Variants in SUPT3H observed in about 807,000 individuals in gnomAD.
SUPT3H encodes the protein transcription initiation protein SPT3 homolog.
A neutral mutation model predicts 44.3 loss-of-function variants in SUPT3H; 44 were observed. That is an observed-to-expected ratio of 0.99 (90% CI 0.78 to 1.28). The LOEUF is 1.28. SUPT3H is among the 50% of genes most tolerant of loss of function. The pLI is 0.00. For synonymous variants in SUPT3H, 124 were observed against 125.6 expected, an observed-to-expected ratio of 0.99 and a Z score of 0.09; for missense variants, 380 against 387.1, an observed-to-expected ratio of 0.98 and a Z score of 0.15.
intron 2 of SUPT3H, among the ~76,000 whole-genome samples, chr6:45,302,254 C>T (rs1348685313): frequency 4.6e-5 from 7 of 151,902 alleles, no homozygotes; most frequent in Non-Finnish European, 7.4e-5. Flanking sequence ...TCCCTCACCC[C>T]CTTCCCACCC....
At chr6:45,045,455 ATTG>A (rs1789237336) in intron 3 of SUPT3H, among the ~76,000 whole-genome samples, 1 of 152,076 alleles carries the variant, frequency 6.6e-6, no homozygotes, top group East Asian at 1.9e-4. Context: ...CTGCTTATCT[ATTG>A]TTGGTGTATA....
intron 3 of SUPT3H, 44 bp from the exon 4 acceptor site, chr6:45,020,676 TTA>T (rs1033941565): frequency 2.2e-6 from 3 of 1,386,562 alleles, no homozygotes; most frequent in African/African-American, 2.9e-5. Context: ...GTAACACAAA[TTA>T]TATATAGTAC....
At chr6:45,104,018 C>G (rs1168105926) in intron 3 of SUPT3H, among the ~76,000 whole-genome samples, 1 of 151,998 alleles carries the variant, frequency 6.6e-6, no homozygotes, top group Non-Finnish European at 1.5e-5. Context: ...AAGATATGTT[C>G]AGATGAAAGA....
intron 10 of SUPT3H, among the ~76,000 whole-genome samples, chr6:44,855,783 C>A (rs2153423331): frequency 6.6e-6 from 1 of 151,974 alleles, no homozygotes; most frequent in South Asian, 2.1e-4. Context: ...ACTTCAGAGG[C>A]AGTCAAGCAT....
rs769390539 is a variant in SUPT3H at position 45,188,858 on chromosome 6, C to A, written c.102-82852G>T. ...TTTTATAGGTAGTTTGAGTTCACGT[C>A]ATTGCAGACTTTTTGTTCTTTAAAA... On this transcript the variant is annotated intron_variant, in intron 2 of 10. Transcript: ENST00000371459. 3.3e-5 allele frequency among the ~76,000 whole-genome samples: 5 copies of A among 152,234 alleles called. 1 individual carries two copies. Among genetic ancestry groups the A allele is most frequent in the Non-Finnish European group, 7.4e-5 (5 of 68,022 alleles).
chr6:44,916,972 AAAAC>A (rs111992171), intron 10 of SUPT3H, among the ~76,000 whole-genome samples: 4,487 of 150,912 alleles, frequency 0.03, 226 homozygotes, highest in African/African-American at 0.1. Context: ...GTCTCTACAA[AAAAC>A]AAACAAACAA....
At chr6:44,952,695 T>G (rs1175924461) in intron 9 of SUPT3H, among the ~76,000 whole-genome samples, 5 of 152,236 alleles carry the variant, frequency 3.3e-5, no homozygotes. Flanking sequence ...TTGAGGTAGA[T>G]GCTGTTTACA....
chr6:45,276,287 C>T (rs1237492649), intron 2 of SUPT3H, among the ~76,000 whole-genome samples: 1 of 152,020 alleles, frequency 6.6e-6, no homozygotes, highest in East Asian at 1.9e-4. Flanking sequence ...TACCATTTAA[C>T]ATTTCAAAAT....
intron 2 of SUPT3H, chr6:45,159,493 A>C (rs1296688770): frequency 6.6e-6 from 1 of 152,192 alleles, no homozygotes; most frequent in African/African-American, 2.4e-5. Context: ...TAGAGCCATC[A>C]ATAGCCTCAC....
intron 6 of SUPT3H, among the ~76,000 whole-genome samples, chr6:44,995,190 T>C (rs930992012): frequency 6.6e-6 from 1 of 152,020 alleles, no homozygotes; most frequent in Non-Finnish European, 1.5e-5. Context: ...ACACCAATAT[T>C]AATATCTATT....
chr6:45,192,406 A>C (rs1050454849), intron 2 of SUPT3H, among the ~76,000 whole-genome samples: 5 of 152,146 alleles, frequency 3.3e-5, no homozygotes, highest in Non-Finnish European at 5.9e-5. Context: ...TGAAATGAGA[A>C]TGGTTAACTT....
chr6:45,203,186 A>G (rs1487804950), intron 2 of SUPT3H, among the ~76,000 whole-genome samples: 2 of 152,192 alleles, frequency 1.3e-5, no homozygotes, highest in African/African-American at 4.8e-5. Context: ...GAACACAGGC[A>G]CTGAGGAGAC....
intron 2 of SUPT3H, among the ~76,000 whole-genome samples, chr6:45,236,122 T>C (rs555417742): frequency 9.8e-6 from 1 of 102,338 alleles, no homozygotes; most frequent in African/African-American, 4.2e-5. Flanking sequence ...GGGCTCTCAG[T>C]TCTGAAGGCT....
At chr6:45,097,518 A>T (rs1797956869) in intron 3 of SUPT3H, 1 of 152,258 alleles carries the variant, frequency 6.6e-6, no homozygotes, top group African/African-American at 2.4e-5. Flanking sequence ...AGGCTGTGAG[A>T]GGCTTCCAGC....
At chr6:44,961,699 C>G in intron 7 of SUPT3H, 54 bp downstream of exon 7, 1 of 1,367,358 alleles carries the variant, frequency 7.3e-7, no homozygotes, top group Non-Finnish European at 1.0e-6. Flanking sequence ...TTTAGTACAT[C>G]TATAACACAA....
At chr6:44,930,502 T>C (rs1770402761) in intron 10 of SUPT3H, among the ~76,000 whole-genome samples, 1 of 146,908 alleles carries the variant, frequency 6.8e-6, no homozygotes, top group Non-Finnish European at 1.5e-5. Context: ...AGGTAGAAGT[T>C]GCAGTGAGCT....
intron 2 of SUPT3H, among the ~76,000 whole-genome samples, chr6:45,202,126 C>G (rs917385205): frequency 2.6e-5 from 4 of 151,876 alleles, no homozygotes; most frequent in Admixed American, 6.6e-5. Context: ...CTTTGAATAT[C>G]TTCCAAAATA....
intron 3 of SUPT3H, among the ~76,000 whole-genome samples, chr6:45,031,793 A>G (rs1362296243): frequency 1.3e-5 from 2 of 152,204 alleles, no homozygotes; most frequent in Non-Finnish European, 2.9e-5. Flanking sequence ...ATGGGAGTCA[A>G]TGCTCTAAGG....
chr6:45,327,732 C>CT (rs11438577), intron 2 of SUPT3H, among the ~76,000 whole-genome samples: 13,418 of 148,360 alleles, frequency 0.09, 1,289 homozygotes, highest in African/African-American at 0.24. Flanking sequence ...TTAAGGTAAA[C>CT]TTTTTTTTTT....
Sources: allele counts gnomAD v4.1 joint callset (sites outside exome capture counted in the v4.1 genomes callset), GRCh38; gene constraint gnomAD v4.1.1; transcripts MANE v1.5; gene names NCBI Gene and HGNC (gene_info 2026-07-23, HGNC 2026-07-21).